Variants in GRID1 observed in about 807,000 individuals in gnomAD.
GRID1 encodes the protein glutamate receptor ionotropic, delta-1.
In GRID1, 28 loss-of-function variants were observed where a neutral mutation model predicts 98.0. That is an observed-to-expected ratio of 0.29 (90% CI 0.21 to 0.39). The LOEUF (loss-of-function observed/expected upper bound fraction) is 0.39, where lower values mean the gene tolerates loss of function less well. Among genes scored for constraint, GRID1 ranks in the 10% least tolerant of loss-of-function variants. The pLI, the probability that GRID1 is intolerant of heterozygous loss-of-function variation, is 1.00. For synonymous variants in GRID1, 553 were observed against 538.5 expected (o/e 1.03, Z -0.37); for missense variants, 1,111 against 1,340.5 (o/e 0.83, Z 2.67).
intron 2 of GRID1, among the ~76,000 whole-genome samples, chr10:86,241,494 A>G (rs1391888456): frequency 6.6e-6 from 1 of 152,236 alleles, no homozygotes; most frequent in Non-Finnish European, 1.5e-5. Flanking sequence ...CACCTCAGGC[A>G]GGGCCTCCAG....
rs532346950 is a variant in GRID1, at chr10:85,875,711, C to G, written c.781-6531G>C. Among the ~76,000 whole-genome samples the G allele has an allele frequency of 2.0e-5, 3 of 152,192 alleles. No homozygotes were observed. In the East Asian group the frequency reaches 5.8e-4, roughly 29 times the overall value. ...AGTGTGAAGTTAATCAGTATTTTTA[C>G]TCTCTTCTTTAATGTTTACTTCCAA... On this transcript the variant is annotated intron_variant, in intron 5 of 15. Coordinates refer to ENST00000327946, the MANE Select transcript of GRID1 (RefSeq NM_017551.3).
intron 12 of GRID1, among the ~76,000 whole-genome samples, chr10:85,709,418 T>C (rs549084119): frequency 1.3e-5 from 2 of 152,346 alleles, no homozygotes; most frequent in African/African-American, 2.4e-5. Context: ...CTTGGACTAG[T>C]TGAACCTTTC....
At chr10:85,620,136 A>G in intron 13 of GRID1, 103 bp from the exon 14 acceptor site, 4 of 901,084 alleles carry the variant, frequency 4.4e-6, no homozygotes, top group South Asian at 1.6e-5. Flanking sequence ...CCCATCCTCA[A>G]TGGTCTTCCT....
intron 4 of GRID1, among the ~76,000 whole-genome samples, chr10:86,121,228 C>G (rs897951387): frequency 3.3e-5 from 5 of 152,086 alleles, no homozygotes; most frequent in Admixed American, 2.0e-4. Context: ...TCTCCTCCAG[C>G]CACCTCTCAA....
chr10:86,363,883 C>G lies in GRID1; in HGVS notation c.235+58G>C. The G allele has an allele frequency of 4.0e-6, 6 of 1,488,584 alleles. No individual in the cohort carries two copies. In the East Asian group the frequency reaches 1.4e-4, roughly 34 times the overall value. 92.2% of individuals were successfully genotyped at this position (1,488,584 alleles called of 1,614,324 possible). A position where few individuals can be genotyped will look rare whatever the true frequency, so the allele number is the denominator to read the frequency against. ...CTCGTCCCAACCCCTCCGGTGCCCA[C>G]TGCTGCGACGCCTCGCAGGCCGTGT... On this transcript the variant is annotated intron_variant, in intron 2 of 15. Transcript: ENST00000327946.
intron 4 of GRID1, among the ~76,000 whole-genome samples, chr10:85,935,930 T>C (rs1399427925): frequency 2.6e-5 from 4 of 152,238 alleles, no homozygotes; most frequent in Non-Finnish European, 5.9e-5. Context: ...AGTTTTGGCA[T>C]GCCTAATAAA....
intron 4 of GRID1, among the ~76,000 whole-genome samples, chr10:86,124,245 A>C (rs547789634): frequency 2.6e-5 from 4 of 152,214 alleles, no homozygotes; most frequent in African/African-American, 7.2e-5. Flanking sequence ...TTCAACTGAA[A>C]CCAAACCCAA....
At chr10:86,066,895 AC>A in intron 4 of GRID1, among the ~76,000 whole-genome samples, 1 of 152,268 alleles carries the variant, frequency 6.6e-6, no homozygotes, top group East Asian at 1.9e-4. Context: ...CCGCGCCGGC[AC>A]AAGCATCCCA....
At chr10:85,875,758 C>T (rs547219614) in intron 5 of GRID1, among the ~76,000 whole-genome samples, 13 of 152,306 alleles carry the variant, frequency 8.5e-5, no homozygotes, top group South Asian at 4.1e-4. Context: ...CCAACTAACA[C>T]GCTAAAAACC....
chr10:86,295,181 G>A (rs374504362), intron 2 of GRID1, among the ~76,000 whole-genome samples: 1 of 152,290 alleles, frequency 6.6e-6, no homozygotes, highest in Non-Finnish European at 1.5e-5. Context: ...CAGAGGAGAC[G>A]CAGAGGACAG....
intron 4 of GRID1, among the ~76,000 whole-genome samples, chr10:86,062,791 G>A (rs529238823): frequency 1.3e-5 from 2 of 152,358 alleles, no homozygotes; most frequent in South Asian, 4.1e-4. Flanking sequence ...CCCATGCCCA[G>A]CACCCGTCTG....
chr10:86,144,554 C>A (rs1354609920), intron 3 of GRID1, among the ~76,000 whole-genome samples: 2 of 152,096 alleles, frequency 1.3e-5, no homozygotes, highest in Admixed American at 6.5e-5. Flanking sequence ...TCTCCCCCTG[C>A]ATCAGCCTCC....
chr10:86,086,494 T>C (rs1225211976), intron 4 of GRID1, among the ~76,000 whole-genome samples: 2 of 152,150 alleles, frequency 1.3e-5, no homozygotes, highest in Non-Finnish European at 2.9e-5. Context: ...GGAGACTGAG[T>C]GCCACCATCA....
intron 8 of GRID1, among the ~76,000 whole-genome samples, chr10:85,853,287 C>T (rs1312795942): frequency 6.6e-6 from 1 of 152,198 alleles, no homozygotes; most frequent in Non-Finnish European, 1.5e-5. Flanking sequence ...CTTGCCTCTC[C>T]CTCCACTGCT....
intron 8 of GRID1, among the ~76,000 whole-genome samples, chr10:85,736,167 C>G: frequency 1.1e-5 from 1 of 93,948 alleles, no homozygotes; most frequent in Non-Finnish European, 2.0e-5. Context: ...GAGGGAGGGA[C>G]ACAGGAAGAA....
At chr10:85,680,275 T>C (rs1187778399) in intron 12 of GRID1, among the ~76,000 whole-genome samples, 1 of 152,176 alleles carries the variant, frequency 6.6e-6, no homozygotes, top group African/African-American at 2.4e-5. Flanking sequence ...AGTAACCCTC[T>C]GCTGTATTTC....
At chr10:85,952,959 T>C (rs1395062325) in intron 4 of GRID1, among the ~76,000 whole-genome samples, 2 of 152,216 alleles carry the variant, frequency 1.3e-5, no homozygotes, top group African/African-American at 2.4e-5. Flanking sequence ...ACTTAATGAA[T>C]AGTAACTATA....
At chr10:85,902,462 C>T (rs7911452) in intron 5 of GRID1, among the ~76,000 whole-genome samples, 6,859 of 152,238 alleles carry the variant, frequency 0.045, 396 homozygotes, top group African/African-American at 0.14. Flanking sequence ...AGTAAAACCG[C>T]AGATAAGGAG....
intron 3 of GRID1, among the ~76,000 whole-genome samples, chr10:86,162,879 A>G (rs1845342353): frequency 6.6e-6 from 1 of 152,130 alleles, no homozygotes; most frequent in South Asian, 2.1e-4. Flanking sequence ...GGGGTTGCAG[A>G]TTTCTCTCCA....
Sources: allele counts gnomAD v4.1 joint callset (sites outside exome capture counted in the v4.1 genomes callset), GRCh38; gene constraint gnomAD v4.1.1; transcripts MANE v1.5; gene names NCBI Gene and HGNC (gene_info 2026-07-23, HGNC 2026-07-21).